Variants in SV2C observed in about 807,000 individuals in gnomAD.
SV2C encodes synaptic vesicle glycoprotein 2C, also known as solute carrier family 22 member B3.
A neutral mutation model predicts 79.7 loss-of-function variants in SV2C; 49 were observed. That is an observed-to-expected ratio of 0.61 (90% CI 0.49 to 0.78). SV2C has a LOEUF of 0.78. Ranked by LOEUF, SV2C falls within the 30% of genes least tolerant of loss-of-function variation. The pLI is 0.00. For missense variants in SV2C, 833 were observed against 912.9 expected, an observed-to-expected ratio of 0.91 and a Z score of 1.13; for synonymous variants, 334 against 333.2, an observed-to-expected ratio of 1.00 and a Z score of -0.03.
rs76132001 is a variant in SV2C, at chr5:76,135,525, G to T, written c.580+3195G>T. Among the ~76,000 whole-genome samples the T allele has an allele frequency of 1.0e-3, 152 of 152,264 alleles. No individual in the cohort carries two copies. The East Asian group carries it at 0.017, about 17-fold the overall frequency. ...CTGGAACTTGCTGGAAGAAGGAAGGGATGTATAGCTTTCAGGCGCCGCAGT... is the reference window on the plus strand; with the variant it reads ...CTGGAACTTGCTGGAAGAAGGAAGGTATGTATAGCTTTCAGGCGCCGCAGT... On this transcript the variant is annotated intron_variant, in intron 2 of 12. Coordinates refer to ENST00000502798, the MANE Select transcript of SV2C (RefSeq NM_014979.4).
intron 9 of SV2C, 164 bp downstream of exon 9, chr5:76,296,106 T>G: frequency 1.7e-6 from 1 of 604,086 alleles, no homozygotes; most frequent in East Asian, 3.4e-5. Context: ...AGGCTTTAAA[T>G]AAAAGGTACA....
intron 1 of SV2C, among the ~76,000 whole-genome samples, chr5:76,122,803 G>A (rs144910445): frequency 0.11 from 16,442 of 151,708 alleles, 2,807 homozygotes; most frequent in African/African-American, 0.36. Flanking sequence ...CTAACATCAC[G>A]ATTAAAAGAA....
At chr5:76,291,878 G>T (rs764015091) in intron 8 of SV2C, 22 bp downstream of exon 8, 1 of 1,564,540 alleles carries the variant, frequency 6.4e-7, no homozygotes, top group East Asian at 2.3e-5. Context: ...TTAAATTCTT[G>T]GCAAGCAAAA....
At chr5:75,972,632 A>G in the SV2C span, among the ~76,000 whole-genome samples, 1 of 152,148 alleles carries the variant, frequency 6.6e-6, no homozygotes, top group Non-Finnish European at 1.5e-5. Flanking sequence ...ATGAGATACC[A>G]TCTCACACAA....
rs183714782 is a variant in SV2C at position 76,325,391 on chromosome 5, G to A, written c.2028G>A (p.Ala676=). Residue 676 remains alanine, a synonymous_variant, in exon 13 of 13, where the codon GCG becomes GCA. Transcript: ENST00000502798. ...CAACAGGCTTTGGCTTCTTAAATGC[G>A]CTATGCAAGGCAGCAGCCGTCCTGG... ...RRATGFGFLN[A]LCKAAAVLGN... 98 of 1,614,108 alleles carry A rather than the reference G, an allele frequency of 6.1e-5. No individual in the cohort carries two copies. Among genetic ancestry groups the A allele is most frequent in the Middle Eastern group, 3.3e-4 (2 of 6,060 alleles).
intron 4 of SV2C, among the ~76,000 whole-genome samples, chr5:76,278,170 TTG>T (rs34826654): frequency 1.0e-4 from 15 of 150,564 alleles, no homozygotes; most frequent in Non-Finnish European, 1.5e-4. Context: ...CATGTACACA[TTG>T]TGTGTGTGTG....
the SV2C span, among the ~76,000 whole-genome samples, chr5:76,059,638 ATTGAAGTC>A: frequency 1.3e-5 from 2 of 152,042 alleles, no homozygotes; most frequent in African/African-American, 4.8e-5. Flanking sequence ...TACTTCCTCC[ATTGAAGTC>A]TCGAACCTCT....
At chr5:75,984,574 T>TCTAC in the SV2C span, among the ~76,000 whole-genome samples, 97 of 83,338 alleles carry the variant, frequency 1.2e-3, 1 homozygote, top group South Asian at 8.2e-3. Context: ...TCTATATCTA[T>TCTAC]CTATCTATCT....
the SV2C span, among the ~76,000 whole-genome samples, chr5:76,021,398 A>G: frequency 6.6e-6 from 1 of 152,198 alleles, no homozygotes; most frequent in African/African-American, 2.4e-5. Context: ...ATGAATGTTT[A>G]TTCTCTTATT....
At chr5:76,033,791 AT>A in the SV2C span, among the ~76,000 whole-genome samples, 1 of 152,044 alleles carries the variant, frequency 6.6e-6, no homozygotes, top group South Asian at 2.1e-4. Flanking sequence ...GAAGAAAGTC[AT>A]TGGTAGCTTG....
At chr5:75,959,745 T>G in the SV2C span, among the ~76,000 whole-genome samples, 1 of 151,988 alleles carries the variant, frequency 6.6e-6, no homozygotes, top group Non-Finnish European at 1.5e-5. Flanking sequence ...GCTCACATAT[T>G]CATTCCACAT....
At chr5:76,275,606 G>A (rs956871386) in intron 4 of SV2C, among the ~76,000 whole-genome samples, 1 of 152,172 alleles carries the variant, frequency 6.6e-6, no homozygotes, top group Non-Finnish European at 1.5e-5. Flanking sequence ...CAGCATCCTT[G>A]TATGTGTGTC....
At chr5:76,080,829 A>G (rs1746974792), upstream of SV2C, among the ~76,000 whole-genome samples, 1 of 152,182 alleles carries the variant, frequency 6.6e-6, no homozygotes, top group South Asian at 2.1e-4. Context: ...TGTTTTCAGA[A>G]GAGAGAAAAC....
At chr5:76,304,535 G>A (rs1748121745) in intron 12 of SV2C, among the ~76,000 whole-genome samples, 2 of 152,314 alleles carry the variant, frequency 1.3e-5, no homozygotes, top group Middle Eastern at 3.4e-3. Context: ...ATTCTCTTGT[G>A]TTGCTCTAAC....
At chr5:76,116,754 G>A (rs979859087) in intron 1 of SV2C, among the ~76,000 whole-genome samples, 1 of 152,180 alleles carries the variant, frequency 6.6e-6, no homozygotes, top group South Asian at 2.1e-4. Context: ...AATTGCATAC[G>A]ACAGTGTTGT....
chr5:75,849,501 T>A, the SV2C span, among the ~76,000 whole-genome samples: 1 of 152,182 alleles, frequency 6.6e-6, no homozygotes, highest in African/African-American at 2.4e-5. Context: ...TGGTATACAT[T>A]TGTGGGGAAG....
At chr5:76,079,506 T>C (rs374359710), upstream of SV2C, 14 of 287,748 alleles carry the variant, frequency 4.9e-5, no homozygotes, top group East Asian at 6.0e-4. Context: ...TTGACAGCTG[T>C]TCCAATCTCC....
At chr5:75,971,037 TG>T in the SV2C span, among the ~76,000 whole-genome samples, 28 of 152,182 alleles carry the variant, frequency 1.8e-4, no homozygotes, top group Middle Eastern at 3.4e-3. Context: ...AATCAATGAA[TG>T]TAATCCAGAA....
chr5:76,307,880 G>GCTTT (rs1247531295), intron 12 of SV2C, among the ~76,000 whole-genome samples: 6 of 151,914 alleles, frequency 3.9e-5, no homozygotes, highest in African/African-American at 1.5e-4. Flanking sequence ...CTTTGCTAGG[G>GCTTT]CTTTCTATTT....
Sources: gnomAD v4.1 joint callset for allele counts (sites outside exome capture counted in the v4.1 genomes callset) on GRCh38, gnomAD v4.1.1 for gene constraint, MANE v1.5 for transcripts, NCBI Gene and HGNC (gene_info 2026-07-23, HGNC 2026-07-21) for gene names.